GLIS3: variants seen among roughly 807,000 people sequenced by gnomAD.
GLIS3 encodes the protein GLIS family zinc finger 3.
A neutral mutation model predicts 78.6 loss-of-function variants in GLIS3; 53 were observed. The observed-to-expected ratio is 0.67, with a 90% CI of 0.54 to 0.85. GLIS3 has a LOEUF of 0.85. Among genes scored for constraint, GLIS3 ranks in the 40% least tolerant of loss-of-function variants. The pLI is 0.00. For synonymous variants in GLIS3, 684 were observed against 509.9 expected, an observed-to-expected ratio of 1.34 and a Z score of -4.60; for missense variants, 1,703 against 1,231.1, an observed-to-expected ratio of 1.38 and a Z score of -5.74.
the GLIS3 span, among the ~76,000 whole-genome samples, chr9:4,405,683 GA>G: frequency 6.6e-6 from 1 of 151,196 alleles, no homozygotes; most frequent in Non-Finnish European, 1.5e-5. Flanking sequence ...AAACTGTTCT[GA>G]AAAATAGAGG....
At position 4,060,009 on chromosome 9, in the gene GLIS3, G is replaced by A. The variant is rs544526041; in HGVS notation, c.1710+57759C>T. Among the ~76,000 whole-genome samples the A allele has an allele frequency of 3.9e-5, 6 of 152,142 alleles. No homozygotes were observed. The East Asian group carries it at 9.7e-4, about 25-fold the overall frequency. ...ATCAGAACCTTACCCCTACTTTTAAGGCATGTTGAATTCCGAATGCATCCT... is the reference window on the plus strand; with the variant it reads ...ATCAGAACCTTACCCCTACTTTTAAAGCATGTTGAATTCCGAATGCATCCT... On this transcript the variant is annotated intron_variant, in intron 4 of 10. Transcript: ENST00000381971.
chr9:4,083,705 G>C (rs1403063953), intron 4 of GLIS3, among the ~76,000 whole-genome samples: 1 of 152,148 alleles, frequency 6.6e-6, no homozygotes, highest in Non-Finnish European at 1.5e-5. Context: ...AATATCTCAG[G>C]TGTGTTTTAT....
At chr9:4,123,167 T>A (rs1832316495) in intron 3 of GLIS3, among the ~76,000 whole-genome samples, 1 of 152,094 alleles carries the variant, frequency 6.6e-6, no homozygotes, top group Non-Finnish European at 1.5e-5. Flanking sequence ...TATGAAAACT[T>A]TAATATTGTC....
At chr9:3,960,754 G>GTAGT (rs1317498892) in intron 4 of GLIS3, among the ~76,000 whole-genome samples, 3 of 152,206 alleles carry the variant, frequency 2.0e-5, no homozygotes, top group African/African-American at 4.8e-5. Flanking sequence ...GAATTCACCA[G>GTAGT]TAGTGAGGTC....
At chr9:4,093,484 G>A in intron 4 of GLIS3, among the ~76,000 whole-genome samples, 1 of 152,194 alleles carries the variant, frequency 6.6e-6, no homozygotes, top group East Asian at 1.9e-4. Context: ...AGCCTGAACA[G>A]AAGGGTGGCC....
rs1040372345 is a variant in GLIS3 at position 4,151,557 on chromosome 9, T to C, written c.389-25616A>G. Among the ~76,000 whole-genome samples, 5 of 152,338 alleles carry C rather than the reference T, an allele frequency of 3.3e-5. 1 individual carries two copies. In the South Asian group the frequency reaches 1.0e-3, roughly 32 times the overall value. On this transcript the variant is annotated intron_variant, in intron 2 of 10. Transcript: ENST00000381971. ...AAAGATTCTCTTCTCAAAGAAAGTTTACAAGCAGTAAGTGGGGCTCTAAGG... is the reference window on the plus strand; with the variant it reads ...AAAGATTCTCTTCTCAAAGAAAGTTCACAAGCAGTAAGTGGGGCTCTAAGG...
intron 7 of GLIS3, among the ~76,000 whole-genome samples, chr9:3,885,874 T>C (rs140875499): frequency 1.3e-5 from 2 of 152,316 alleles, no homozygotes; most frequent in East Asian, 1.9e-4. Flanking sequence ...GTGAGACAGA[T>C]AGACCTGAAT....
chr9:4,154,127 G>C (rs1057284173), intron 2 of GLIS3, among the ~76,000 whole-genome samples: 1 of 152,252 alleles, frequency 6.6e-6, no homozygotes, highest in Non-Finnish European at 1.5e-5. Flanking sequence ...CCGAGAGGCA[G>C]AAAGAGGGGG....
In GLIS3 at chr9:3,880,677, G is replaced by A. The variant is rs1261913687; in HGVS notation, c.2129-1082C>T. ...TGAGGGTTTAAAAGTTCAGGGAGTT[G>A]TATTTTTATACCAGTACCACTTTTC... is the stretch of plus-strand genomic sequence containing the variant. On this transcript the variant is annotated intron_variant, in intron 7 of 10. Coordinates refer to ENST00000381971, the MANE Select transcript of GLIS3 (RefSeq NM_001042413.2). 2.0e-5 allele frequency among the ~76,000 whole-genome samples: 3 copies of A among 152,160 alleles called. No individual in the cohort carries two copies. In the East Asian group the frequency reaches 5.8e-4, roughly 29 times the overall value.
intron 4 of GLIS3, among the ~76,000 whole-genome samples, chr9:4,082,481 A>G (rs10758554): frequency 0.4 from 60,175 of 152,002 alleles, 11,983 homozygotes; most frequent in Admixed American, 0.43. Context: ...CATTTTGCTC[A>G]GGTCTTGAGG....
At chr9:4,264,076 G>A (rs1254654358) in intron 2 of GLIS3, among the ~76,000 whole-genome samples, 1 of 152,098 alleles carries the variant, frequency 6.6e-6, no homozygotes, top group Non-Finnish European at 1.5e-5. Context: ...ATCCCCACTT[G>A]AAGAACTAAT....
chr9:4,031,897 T>C (rs959608982), intron 4 of GLIS3, among the ~76,000 whole-genome samples: 3 of 152,240 alleles, frequency 2.0e-5, no homozygotes, highest in Non-Finnish European at 4.4e-5. Context: ...CCGCATTTTT[T>C]CATGCCAATA....
chr9:3,888,633 T>A (rs1253820198), intron 7 of GLIS3, among the ~76,000 whole-genome samples: 1 of 152,208 alleles, frequency 6.6e-6, no homozygotes, highest in East Asian at 1.9e-4. Flanking sequence ...TGGGCGAAAC[T>A]GCATCGACAA....
chr9:4,215,301 G>A (rs1820718669), intron 2 of GLIS3, among the ~76,000 whole-genome samples: 1 of 150,424 alleles, frequency 6.6e-6, no homozygotes, highest in Admixed American at 6.7e-5. Context: ...CCTGTGAGGG[G>A]AGAGATGAGA....
chr9:4,123,757 C>G, intron 3 of GLIS3: 1 of 397,996 alleles, frequency 2.5e-6, no homozygotes, highest in Non-Finnish European at 4.4e-6. Context: ...GGATGTATAT[C>G]AAAATTCCAC....
intron 2 of GLIS3, among the ~76,000 whole-genome samples, chr9:4,266,583 T>C (rs923129639): frequency 8.2e-6 from 1 of 121,842 alleles, no homozygotes; most frequent in East Asian, 2.4e-4. Context: ...ATTTTACACA[T>C]GCATGCGCGT....
At chr9:3,945,317 C>T (rs551257486) in intron 4 of GLIS3, among the ~76,000 whole-genome samples, 29 of 152,210 alleles carry the variant, frequency 1.9e-4, no homozygotes, top group African/African-American at 7.0e-4. Context: ...AAAAGCAGTG[C>T]TCAGATGTTT....
intron 10 of GLIS3, 146 bp from the exon 11 acceptor site, chr9:3,828,554 G>A: frequency 9.9e-7 from 1 of 1,005,822 alleles, no homozygotes; most frequent in Admixed American, 2.0e-5. Flanking sequence ...GTGAGTCTCT[G>A]TTTCCAGCGA....
intron 2 of GLIS3, among the ~76,000 whole-genome samples, chr9:4,218,754 C>T (rs1312211908): frequency 6.6e-6 from 1 of 152,124 alleles, no homozygotes; most frequent in African/African-American, 2.4e-5. Flanking sequence ...CTAATGGCTA[C>T]CATATTGGAC....
Sources: gnomAD v4.1 joint callset for allele counts (sites outside exome capture counted in the v4.1 genomes callset) on GRCh38, gnomAD v4.1.1 for gene constraint, MANE v1.5 for transcripts, NCBI Gene and HGNC (gene_info 2026-07-23, HGNC 2026-07-21) for gene names.